The following ABCA6 variants were observed in gnomAD, a reference collection of about 807,000 sequenced individuals.
ABCA6 encodes the protein ATP-binding cassette sub-family A member 6.
In ABCA6, 164 loss-of-function variants were observed where a neutral mutation model predicts 191.2. The observed-to-expected ratio is 0.86, with a 90% CI of 0.76 to 0.98. ABCA6 has a LOEUF of 0.98. Ranked by LOEUF, ABCA6 falls within the 50% of genes least tolerant of loss-of-function variation. The pLI is 0.00. For missense variants in ABCA6, 1,958 were observed against 1,894.1 expected (o/e 1.03, Z -0.63); for synonymous variants, 636 against 647.7 (o/e 0.98, Z 0.27).
At chr17:69,122,835 G>A (rs537212706) in intron 10 of ABCA6, among the ~76,000 whole-genome samples, 1 of 152,074 alleles carries the variant, frequency 6.6e-6, no homozygotes, top group Non-Finnish European at 1.5e-5. Context: ...TGGAAATGGA[G>A]CAGTTCAAAG....
At chr17:69,079,722 C>T (rs2072583000) in intron 37 of ABCA6, among the ~76,000 whole-genome samples, 1 of 152,210 alleles carries the variant, frequency 6.6e-6, no homozygotes, top group African/African-American at 2.4e-5. Context: ...GTGCATACTT[C>T]ACCATTTATA....
Position 69,087,364 on chromosome 17 carries a change from T to C in ABCA6, c.3808A>G (p.Ile1270Val). 6.2e-7 allele frequency: 1 copy of C among 1,613,604 alleles called. No individual in the cohort carries two copies. Among genetic ancestry groups the C allele is most frequent in the Non-Finnish European group, 8.5e-7 (1 of 1,179,766 alleles). Residue 1270 changes from isoleucine (I) to valine (V), a missense_variant, in exon 29 of 39, where the codon ATC (isoleucine) becomes GTC (valine). By Grantham distance (29) the Ile-to-Val change is conservative (BLOSUM62 3). Coordinates refer to ENST00000284425, the MANE Select transcript of ABCA6 (RefSeq NM_080284.3). ...CCTTGCTTTTTTACCTCATCTAAGATTGAAGTGGTCAGAGCAGTGGCTGTT... is the reference window on the plus strand; with the variant it reads ...CCTTGCTTTTTTACCTCATCTAAGACTGAAGTGGTCAGAGCAGTGGCTGTT... ...IRTATALTTS[I>V]LDEKPVIIAS...
chr17:69,133,477 A>C (rs1353251428), intron 6 of ABCA6, among the ~76,000 whole-genome samples, 164 bp downstream of exon 6: 1 of 152,228 alleles, frequency 6.6e-6, no homozygotes, highest in African/African-American at 2.4e-5. Flanking sequence ...TATAAGCACT[A>C]TTTTGCATGG....
intron 4 of ABCA6, 144 bp from the exon 5 acceptor site, chr17:69,134,886 G>GTGTTTTTTTTTT (rs1454692425): frequency 7.9e-6 from 1 of 127,066 alleles, no homozygotes. Context: ...TGTTGTGGTT[G>GTGTTTTTTTTTT]TCTTTTTTTT....
intron 6 of ABCA6, among the ~76,000 whole-genome samples, chr17:69,132,449 GTTTTGT>G (rs747562609): frequency 2.9e-4 from 44 of 152,062 alleles, no homozygotes; most frequent in East Asian, 5.8e-4. Context: ...TTTGCTAGGT[GTTTTGT>G]TTTTGTTTTT....
chr17:69,089,662 T>C, intron 26 of ABCA6, 120 bp from the exon 27 acceptor site: 1 of 765,928 alleles, frequency 1.3e-6, no homozygotes, highest in East Asian at 2.8e-5. Context: ...AATTTCTTTG[T>C]GTGCACTAGT....
intron 12 of ABCA6, 38 bp downstream of exon 12, chr17:69,115,338 T>C (rs746864557): frequency 1.3e-6 from 2 of 1,481,874 alleles, no homozygotes; most frequent in African/African-American, 1.4e-5. Context: ...CATTCTATTA[T>C]AAGACATCTT....
At chr17:69,109,255 T>C (rs2073370887) in intron 17 of ABCA6, 1 of 134,886 alleles carries the variant, frequency 7.4e-6, no homozygotes, top group Non-Finnish European at 1.5e-5. Flanking sequence ...ATATATTTCC[T>C]CATTTGTAAG....
intron 20 of ABCA6, chr17:69,104,759 C>T (rs2073258283): frequency 6.8e-6 from 1 of 148,038 alleles, no homozygotes; most frequent in South Asian, 2.2e-4. Flanking sequence ...CACTTGAGGC[C>T]AGGAGTTCAA....
Position 69,137,326 on chromosome 17 carries a change from T to C in ABCA6, c.271A>G (p.Asn91Asp), listed in dbSNP as rs552915557. 9.3e-6 allele frequency: 15 copies of C among 1,613,306 alleles called. No individual in the cohort carries two copies. In the East Asian group the frequency reaches 3.3e-4, roughly 36 times the overall value. The change falls in exon 3 of 39, where the codon AAT becomes GAT. Residue 91 changes from asparagine to aspartate, a missense_variant. Coordinates refer to ENST00000284425, the MANE Select transcript of ABCA6 (RefSeq NM_080284.3). ...PISNLTQQIM[N>D]KTALAPLLKG... The stretch of plus-strand genomic sequence containing the variant: ...AAAAGAGGAGCAAGTGCTGTTTTAT[T>C]CATTATCTGCTGGGTTAAATTAGAT...
intron 10 of ABCA6, 116 bp downstream of exon 10, chr17:69,123,123 A>G: frequency 1.9e-6 from 1 of 528,944 alleles, no homozygotes; most frequent in South Asian, 8.7e-5. Context: ...TGTAACAAAC[A>G]TGCACGTTGT....
chr17:69,091,180 G>T lies in ABCA6; in HGVS notation c.3491C>A (p.Ser1164Ter). ...ILITTMVLVP[S>*]YTLLGFKTFL... ...AGTTTTAAATCCAAGCAAGGTATAT[G>T]AAGGAACCAATACCATGGTGGTAAT... Residue 1164 changes from serine (S) to a stop codon, truncating the protein, a stop_gained, in exon 26 of 39, where the codon TCA (serine) becomes TAA (stop). Coordinates refer to ENST00000284425, the MANE Select transcript of ABCA6 (RefSeq NM_080284.3). LOFTEE classifies it high-confidence loss of function. The T allele has an allele frequency of 6.2e-7, 1 of 1,611,722 alleles. No individual in the cohort carries two copies. Among genetic ancestry groups the T allele is most frequent in the Non-Finnish European group, 8.5e-7 (1 of 1,179,266 alleles).
chr17:69,131,021 G>T (rs745780258), intron 6 of ABCA6, among the ~76,000 whole-genome samples: 30 of 152,138 alleles, frequency 2.0e-4, no homozygotes, highest in Non-Finnish European at 3.7e-4. Flanking sequence ...TTCAATCTTA[G>T]ATCTAACAAG....
intron 10 of ABCA6, among the ~76,000 whole-genome samples, chr17:69,121,400 C>A (rs2073638726): frequency 6.6e-6 from 1 of 152,062 alleles, no homozygotes; most frequent in Admixed American, 6.6e-5. Flanking sequence ...TACTTTCTTG[C>A]TTTGGTGTGG....
chr17:69,088,136 T>C, intron 28 of ABCA6, 31 bp downstream of exon 28: 1 of 1,538,678 alleles, frequency 6.5e-7, no homozygotes. Context: ...TAAAATATGA[T>C]ATTAAGTATA....
chr17:69,098,822 T>A, intron 22 of ABCA6, among the ~76,000 whole-genome samples: 1 of 152,104 alleles, frequency 6.6e-6, no homozygotes, highest in Admixed American at 6.5e-5. Context: ...GGAAAGCTAA[T>A]TGGCATCGAG....
At chr17:69,086,539 TA>T in intron 30 of ABCA6, 78 bp downstream of exon 30, 2 of 679,902 alleles carry the variant, frequency 2.9e-6, no homozygotes, top group Non-Finnish European at 4.7e-6. Context: ...CTTCAGCGAG[TA>T]AAACTGTGCC....
intron 9 of ABCA6, among the ~76,000 whole-genome samples, chr17:69,124,598 T>C (rs2144696530): frequency 6.6e-6 from 1 of 152,060 alleles, no homozygotes; most frequent in South Asian, 2.1e-4. Flanking sequence ...CAAAACACTT[T>C]CAGGGATCCA....
At chr17:69,135,793 C>T (rs1361431943) in intron 4 of ABCA6, 1 of 442,002 alleles carries the variant, frequency 2.3e-6, no homozygotes, top group Non-Finnish European at 4.0e-6. Context: ...TGTTCAATGT[C>T]TGTCTTTGCT....
Sources: gnomAD v4.1 joint callset for allele counts (sites outside exome capture counted in the v4.1 genomes callset) on GRCh38, gnomAD v4.1.1 for gene constraint, MANE v1.5 for transcripts, NCBI Gene and HGNC (gene_info 2026-07-23, HGNC 2026-07-21) for gene names.